The following CR1 variants were observed in gnomAD, a reference collection of about 807,000 sequenced individuals.
CR1 encodes complement C3b/C4b receptor 1 (Knops blood group).
A neutral mutation model predicts 187.3 loss-of-function variants in CR1; 116 were observed. That is an observed-to-expected ratio of 0.62 (90% CI 0.53 to 0.72). The LOEUF is 0.72. Among genes scored for constraint, CR1 ranks in the 30% least tolerant of loss-of-function variants. The pLI, the probability that CR1 is intolerant of heterozygous loss-of-function variation, is 0.00. For missense variants in CR1, 1,731 were observed against 2,110.7 expected (o/e 0.82, Z 3.52); for synonymous variants, 576 against 747.1 (o/e 0.77, Z 3.73).
At chr1:207,575,209 A>G (rs925995579) in intron 27 of CR1, among the ~76,000 whole-genome samples, 3 of 89,448 alleles carry the variant, frequency 3.4e-5, no homozygotes, top group Non-Finnish European at 8.3e-5. Flanking sequence ...TTATACACAC[A>G]CACACACACA....
chr1:207,519,770 A>G (rs1659918493), intron 4 of CR1, among the ~76,000 whole-genome samples: 1 of 152,230 alleles, frequency 6.6e-6, no homozygotes, highest in Non-Finnish European at 1.5e-5. Context: ...ATTTACCGAC[A>G]GAAAAAGGAA....
intron 35 of CR1, among the ~76,000 whole-genome samples, chr1:207,597,072 C>A (rs1453647327): frequency 6.8e-6 from 1 of 147,836 alleles, no homozygotes; most frequent in African/African-American, 2.5e-5. Flanking sequence ...ATTTTATTTA[C>A]ATGATATACA....
At chr1:207,575,923 C>G (rs1241486803) in intron 28 of CR1, among the ~76,000 whole-genome samples, 4 of 152,144 alleles carry the variant, frequency 2.6e-5, no homozygotes, top group Non-Finnish European at 1.5e-5. Context: ...TTAACCAGCC[C>G]CCAATGTCCT....
chr1:207,580,404 C>G lies in CR1; in HGVS notation c.5101C>G (p.Pro1701Ala). 1 of 1,613,842 alleles carries G rather than the reference C, an allele frequency of 6.2e-7. No individual in the cohort carries two copies. The highest frequency in any genetic ancestry group is 1.1e-5 in the South Asian group (1 of 91,062). The change falls in exon 30 of 47, where the codon CCG becomes GCG. Residue 1701 changes from proline to alanine, a missense_variant. By Grantham distance (27) the Pro-to-Ala change is conservative. Coordinates refer to ENST00000367049, the MANE Select transcript of CR1 (RefSeq NM_000651.6). Reference protein sequence around the residue: ...TPQGDWSPEAPRCAVKSCDDF... With the variant: ...TPQGDWSPEAARCAVKSCDDF... ...CCAGGGAGACTGGAGCCCTGAAGCC[C>G]CGAGATGTGCAGGTGCCTCAACTCT...
At chr1:207,509,347 G>T (rs1293751184) in intron 3 of CR1, among the ~76,000 whole-genome samples, 1 of 152,152 alleles carries the variant, frequency 6.6e-6, no homozygotes, top group Non-Finnish European at 1.5e-5. Flanking sequence ...GATCCAAAAA[G>T]GTAGGGTAGG....
chr1:207,498,446 G>C (rs1470453422), intron 1 of CR1, among the ~76,000 whole-genome samples: 2 of 152,132 alleles, frequency 1.3e-5, no homozygotes, highest in Admixed American at 1.3e-4. Context: ...GTGGTATAGT[G>C]CTATTTGAAA....
At chr1:207,590,663 T>C (rs1661243134) in intron 35 of CR1, among the ~76,000 whole-genome samples, 1 of 152,154 alleles carries the variant, frequency 6.6e-6, no homozygotes, top group African/African-American at 2.4e-5. Flanking sequence ...AGACACTGAC[T>C]GGCAAATTGG....
intron 28 of CR1, 111 bp from the exon 29 acceptor site, chr1:207,577,694 G>C: frequency 2.0e-6 from 3 of 1,511,734 alleles, no homozygotes; most frequent in Non-Finnish European, 2.7e-6. Flanking sequence ...TGCTTGACCT[G>C]GGAAGTAGAG....
In CR1 at chr1:207,613,085, T is replaced by G. The variant is rs536915151; in HGVS notation, c.6575+1044T>G. Among the ~76,000 whole-genome samples, 4 of 152,310 alleles carry G rather than the reference T, an allele frequency of 2.6e-5. No homozygotes were observed. The East Asian group carries it at 7.7e-4, about 29-fold the overall frequency. Reference sequence around the variant, plus strand: ...GCGGAGGGCCACAGTGTTACAGGCTTCTTTGTACCTGCGTTTGGTGGGTCC... The same window carrying G: ...GCGGAGGGCCACAGTGTTACAGGCTGCTTTGTACCTGCGTTTGGTGGGTCC... On this transcript the variant is annotated intron_variant, in intron 39 of 46. Coordinates refer to ENST00000367049, the MANE Select transcript of CR1 (RefSeq NM_000651.6).
rs569738282 is a variant in CR1, at chr1:207,572,501, C to T, written c.4451+2555C>T. On this transcript the variant is annotated intron_variant, in intron 27 of 46. Transcript: ENST00000367049. ...CAATAAACCTTTTTTTAAAGTATGA[C>T]TTTGTTTAGACATAATGCTATTTCA... Among the ~76,000 whole-genome samples, 4 of 151,980 alleles carry T rather than the reference C, an allele frequency of 2.6e-5. No individual in the cohort carries two copies. In the South Asian group the frequency reaches 8.3e-4, roughly 32 times the overall value.
chr1:207,581,203 TAGAC>T (rs1442198008), intron 31 of CR1, among the ~76,000 whole-genome samples: 37 of 150,022 alleles, frequency 2.5e-4, no homozygotes, highest in African/African-American at 9.1e-4. Context: ...CACGTATATG[TAGAC>T]GTATACATAT....
At chr1:207,609,941 C>G (rs1661872827) in intron 37 of CR1, among the ~76,000 whole-genome samples, 1 of 151,830 alleles carries the variant, frequency 6.6e-6, no homozygotes, top group African/African-American at 2.4e-5. Context: ...TATTGGTATC[C>G]CCATTTTACT....
rs377233248 is a variant in CR1 at position 207,506,134 on chromosome 1, T to C, written c.301+51T>C. On this transcript the variant is annotated intron_variant, in intron 2 of 46. Transcript: ENST00000367049. Reference sequence around the variant, plus strand: ...CCCTGTTAGTCAAACATCTGTAAGATCTGATTCAATTTGTTCAAATTTTGT... The same window carrying C: ...CCCTGTTAGTCAAACATCTGTAAGACCTGATTCAATTTGTTCAAATTTTGT... 2.4e-4 allele frequency: 379 copies of C among 1,587,970 alleles called. 4 individuals are homozygous for C. Among genetic ancestry groups the C allele is most frequent in the Middle Eastern group, 1.3e-3 (8 of 5,928 alleles).
rs1423387453 is a variant in CR1, at chr1:207,496,330, C to G, written c.63C>G (p.Phe21Leu). ...PVGPPAPGLP[F>L]CCGGSLLAVV... ...GGCCGCCGGCGCCCGGTCTCCCCTT[C>G]TGCTGCGGAGGATCCCTGCTGGCGG... The change falls in exon 1 of 47, where the codon TTC (phenylalanine) becomes TTG (leucine). Residue 21 changes from phenylalanine (F) to leucine (L), a missense_variant. Around this residue, in one of 5 missense-constraint regions of CR1, gnomAD observed 237 missense variants for 240.4 expected, o/e 0.99. Coordinates refer to ENST00000367049, the MANE Select transcript of CR1 (RefSeq NM_000651.6). The G allele has an allele frequency of 6.2e-7, 1 of 1,613,400 alleles. No individual in the cohort carries two copies. The highest frequency in any genetic ancestry group is 8.5e-7 in the Non-Finnish European group (1 of 1,179,782).
intron 4 of CR1, among the ~76,000 whole-genome samples, chr1:207,519,360 A>G (rs1659901903): frequency 6.6e-6 from 1 of 152,002 alleles, no homozygotes; most frequent in Non-Finnish European, 1.5e-5. Context: ...AAGTCTTGGT[A>G]TTTGTTTCAT....
chr1:207,613,030 C>T (rs1304250022), intron 39 of CR1, among the ~76,000 whole-genome samples: 4 of 152,196 alleles, frequency 2.6e-5, no homozygotes, highest in South Asian at 2.1e-4. Flanking sequence ...CTTCCTTTCG[C>T]GTGGTACAGC....
intron 4 of CR1, among the ~76,000 whole-genome samples, chr1:207,517,874 C>T (rs1159015579): frequency 2.0e-5 from 3 of 152,038 alleles, no homozygotes; most frequent in African/African-American, 7.2e-5. Context: ...TTGGTAATTT[C>T]TTTTGCTTCT....
chr1:207,566,825 C>T (rs531331597), intron 24 of CR1, among the ~76,000 whole-genome samples: 46 of 150,316 alleles, frequency 3.1e-4, no homozygotes, highest in Non-Finnish European at 4.9e-4. Flanking sequence ...GATTGGAAAA[C>T]GTGTTTCTTT....
chr1:207,616,507 GGTCACTATT>G, intron 40 of CR1, 59 bp from the exon 41 acceptor site: 1 of 1,524,120 alleles, frequency 6.6e-7, no homozygotes, highest in South Asian at 1.2e-5. Context: ...CACAGTCACA[GGTCACTATT>G]GTTTCAGTCA....
Sources: gnomAD v4.1 joint callset for allele counts (sites outside exome capture counted in the v4.1 genomes callset) on GRCh38, gnomAD v4.1.1 for gene constraint, gnomAD v4.1.1 regional missense constraint, MANE v1.5 for transcripts, NCBI Gene and HGNC (gene_info 2026-07-23, HGNC 2026-07-21) for gene names.